PALMD: variants seen among roughly 807,000 people sequenced by gnomAD.
PALMD encodes paralemmin-like protein.
Under a neutral mutation model 56.2 loss-of-function variants are expected in PALMD, and 42 were observed. The ratio of observed to expected loss-of-function variants is 0.75; its 90% CI spans 0.58 to 0.97. PALMD has a LOEUF of 0.97. Among genes scored for constraint, PALMD ranks in the 50% least tolerant of loss-of-function variants. The probability of loss-of-function intolerance (pLI) is 0.00; values close to 1 mark genes in which losing one functional copy is unlikely to be tolerated. For missense variants in PALMD, 660 were observed against 643.8 expected, an observed-to-expected ratio of 1.03 and a Z score of -0.27; for synonymous variants, 242 against 222.9, an observed-to-expected ratio of 1.09 and a Z score of -0.76.
At chr1:99,683,087 AG>A (rs1390522088) in intron 3 of PALMD, among the ~76,000 whole-genome samples, 3 of 16,170 alleles carry the variant, frequency 1.9e-4, no homozygotes, top group African/African-American at 4.9e-4. Context: ...AGAGAGAGAG[AG>A]AGAAAGAAAG....
At chr1:99,656,824 G>A (rs181010078) in intron 1 of PALMD, among the ~76,000 whole-genome samples, 6 of 152,236 alleles carry the variant, frequency 3.9e-5, no homozygotes, top group African/African-American at 1.4e-4. Flanking sequence ...ACCTCTTAAG[G>A]TTTCAAACTC....
chr1:99,686,956 A>G lies in PALMD; in HGVS notation c.393A>G (p.Arg131=), dbSNP rs1269875441. Residue 131 remains arginine (R), a synonymous_variant, in exon 5 of 8, where the codon AGA becomes AGG. Transcript: ENST00000263174. ...CTGTGAAAGTGGAAAGAGAAGAAAG[A>G]GCAGAAGGTATGTTTTTGAATAACT... The part of the protein sequence containing the change: ...IRSVKVEREE[R]AEESIEDIYA... 2 of 1,580,226 alleles carry G rather than the reference A, an allele frequency of 1.3e-6. No homozygotes were observed. The highest frequency in any genetic ancestry group is 1.7e-6 in the Non-Finnish European group (2 of 1,152,722).
At chr1:99,654,075 A>G (rs1219695035) in intron 1 of PALMD, among the ~76,000 whole-genome samples, 1 of 152,044 alleles carries the variant, frequency 6.6e-6, no homozygotes, top group African/African-American at 2.4e-5. Flanking sequence ...TAAAAATAAA[A>G]GATAAAAAAG....
intron 3 of PALMD, chr1:99,683,842 G>A (rs529818146): frequency 1.3e-5 from 2 of 152,230 alleles, no homozygotes; most frequent in East Asian, 3.9e-4. Flanking sequence ...CTACTCTCTT[G>A]GCTCTTCCTT....
At chr1:99,654,998 A>G (rs1487532587) in intron 1 of PALMD, among the ~76,000 whole-genome samples, 1 of 152,202 alleles carries the variant, frequency 6.6e-6, no homozygotes, top group Non-Finnish European at 1.5e-5. Flanking sequence ...ACTTGAATAT[A>G]TCTAATTGGT....
intron 1 of PALMD, 146 bp downstream of exon 1, chr1:99,646,508 C>G: frequency 3.0e-6 from 2 of 661,016 alleles, no homozygotes; most frequent in Non-Finnish European, 5.5e-6. Context: ...TCTCTTAACC[C>G]TCATGACCCT....
intron 1 of PALMD, among the ~76,000 whole-genome samples, chr1:99,648,051 A>C (rs1200927142): frequency 4.6e-5 from 7 of 152,232 alleles, no homozygotes; most frequent in Admixed American, 3.9e-4. Flanking sequence ...ATGCAGATGT[A>C]TGCTTTTTTG....
chr1:99,686,986 T>G, intron 5 of PALMD, 23 bp downstream of exon 5: 1 of 1,559,104 alleles, frequency 6.4e-7, no homozygotes, highest in Non-Finnish European at 8.8e-7. Context: ...ATAACTTATT[T>G]TATGTTAAAC....
At chr1:99,664,377 G>A (rs1652916101) in intron 2 of PALMD, among the ~76,000 whole-genome samples, 1 of 152,118 alleles carries the variant, frequency 6.6e-6, no homozygotes, top group Non-Finnish European at 1.5e-5. Context: ...GATGTATATA[G>A]GGCCTTTAGT....
At chr1:99,686,458 A>AT (rs1434048040) in intron 3 of PALMD, 1 of 335,036 alleles carries the variant, frequency 3.0e-6, no homozygotes, top group Non-Finnish European at 5.4e-6. Flanking sequence ...TTTGTCAAAA[A>AT]AAGAAAACTT....
chr1:99,647,535 A>G (rs765367254), intron 1 of PALMD, among the ~76,000 whole-genome samples: 5 of 152,212 alleles, frequency 3.3e-5, no homozygotes, highest in Admixed American at 6.5e-5. Context: ...TCTAGCTTCT[A>G]ATTATTACAT....
Position 99,689,642 on chromosome 1 carries a change from C to G in PALMD, c.1382C>G (p.Pro461Arg), listed in dbSNP as rs1474546201. The G allele has an allele frequency of 1.9e-6, 3 of 1,613,504 alleles. No homozygotes were observed. Among genetic ancestry groups the G allele is most frequent in the Admixed American group, 1.7e-5 (1 of 59,902 alleles). Residue 461 changes from proline to arginine, a missense_variant, in exon 7 of 8, where the codon CCG (proline) becomes CGG (arginine). Transcript: ENST00000263174. ...GAGGATGAAGGAGAAGCAGAGAAAC[C>G]GTCCTACCACCCCATAGCTCCCCAT... ...EEEDEGEAEK[P>R]SYHPIAPHSQ...
At chr1:99,649,622 C>G (rs1177500139) in intron 1 of PALMD, among the ~76,000 whole-genome samples, 1 of 152,168 alleles carries the variant, frequency 6.6e-6, no homozygotes, top group Non-Finnish European at 1.5e-5. Flanking sequence ...CAAAGATTCC[C>G]TTAGGATGAG....
At chr1:99,681,647 C>T (rs1653349758) in intron 3 of PALMD, among the ~76,000 whole-genome samples, 3 of 152,144 alleles carry the variant, frequency 2.0e-5, no homozygotes, top group Admixed American at 2.0e-4. Context: ...ATCCAGGATT[C>T]CTCAACCTCA....
At position 99,688,991 on chromosome 1, in the gene PALMD, G is replaced by C. The variant is rs978211494; in HGVS notation, c.731G>C (p.Arg244Thr). The C allele has an allele frequency of 6.2e-7, 1 of 1,613,772 alleles. No individual in the cohort carries two copies. The highest frequency in any genetic ancestry group is 8.5e-7 in the Non-Finnish European group (1 of 1,179,798). Residue 244 changes from arginine (R) to threonine (T), a missense_variant, in exon 7 of 8, where the codon AGA becomes ACA. Physicochemically the swap from Arg to Thr is moderately conservative, Grantham distance 71. Coordinates refer to ENST00000263174, the MANE Select transcript of PALMD (RefSeq NM_017734.5). ...LAPVEVEELL[R>T]QASERNSKSP... Reference sequence around the variant, plus strand: ...CCAGTTGAAGTAGAGGAACTTCTAAGACAAGCCTCAGAGAGAAACTCTAAA... The same window carrying C: ...CCAGTTGAAGTAGAGGAACTTCTAACACAAGCCTCAGAGAGAAACTCTAAA...
At chr1:99,689,985 C>T in intron 7 of PALMD, 113 bp downstream of exon 7, 1 of 916,156 alleles carries the variant, frequency 1.1e-6, no homozygotes, top group East Asian at 2.5e-5. Context: ...CTAATACGCA[C>T]TGAGATTTTT....
chr1:99,689,038 C>G lies in PALMD; in HGVS notation c.778C>G (p.Pro260Ala). Residue 260 changes from proline to alanine, a missense_variant, in exon 7 of 8, where the codon CCT becomes GCT. By Grantham distance (27) the Pro-to-Ala change is conservative (BLOSUM62 -1). Coordinates refer to ENST00000263174, the MANE Select transcript of PALMD (RefSeq NM_017734.5). ...TAAATCCCCAACAGAGTATCATGAG[C>G]CTGTATATGCCAATCCCTTTTACAG... ...NSKSPTEYHE[P>A]VYANPFYRPT... is the part of the protein sequence containing the mutation. The G allele has an allele frequency of 1.2e-6, 2 of 1,613,704 alleles. No homozygotes were observed. The highest frequency in any genetic ancestry group is 1.7e-6 in the Non-Finnish European group (2 of 1,179,796).
intron 1 of PALMD, among the ~76,000 whole-genome samples, chr1:99,650,285 GAAAAAAAAAAAAAAAAAAA>G (rs200081370): frequency 0.084 from 9,825 of 117,148 alleles, 629 homozygotes; most frequent in Admixed American, 0.19. Flanking sequence ...TGCTCATAAT[GAAAAAAAAAAAAAAAAAAA>G]AAAAAAAAAA....
At chr1:99,665,495 G>A (rs1652941918) in intron 2 of PALMD, among the ~76,000 whole-genome samples, 1 of 152,086 alleles carries the variant, frequency 6.6e-6, no homozygotes, top group African/African-American at 2.4e-5. Flanking sequence ...AGGCATAAAT[G>A]AAAATTTATG....
Sources: allele counts gnomAD v4.1 joint callset (sites outside exome capture counted in the v4.1 genomes callset), GRCh38; gene constraint gnomAD v4.1.1; transcripts MANE v1.5; gene names NCBI Gene and HGNC (gene_info 2026-07-23, HGNC 2026-07-21).